WNK4: variants seen among roughly 807,000 people sequenced by gnomAD.
WNK4 encodes the protein serine/threonine-protein kinase WNK4.
Under a neutral mutation model 116.2 loss-of-function variants are expected in WNK4, and 94 were observed. The observed-to-expected ratio is 0.81, with a 90% CI of 0.68 to 0.96. WNK4 has a LOEUF of 0.96. Among genes scored for constraint, WNK4 ranks in the 40% least tolerant of loss-of-function variants. WNK4 has a pLI of 0.00. For missense variants in WNK4, 1,542 were observed against 1,650.6 expected (o/e 0.93, Z 1.14); for synonymous variants, 655 against 672.7 (o/e 0.97, Z 0.41).
At chr17:42,790,027 AC>A (rs1365338315) in intron 11 of WNK4, among the ~76,000 whole-genome samples, 2 of 152,098 alleles carry the variant, frequency 1.3e-5, no homozygotes, top group African/African-American at 4.8e-5. Context: ...AAACAAAAAA[AC>A]AAAAAGGCAC....
Position 42,796,818 on chromosome 17 carries a change from A to G in WNK4, c.*130A>G, listed in dbSNP as rs2054681888. ...CCCAACACTGAAGGGGTAGAAGGCC[A>G]GGGGGGCATGGAGAGTGCAGCTCCA... is the stretch of plus-strand genomic sequence containing the variant. On this transcript the variant is annotated 3_prime_UTR_variant, in exon 19 of 19. Coordinates refer to ENST00000246914, the MANE Select transcript of WNK4 (RefSeq NM_032387.5). The G allele has an allele frequency of 6.3e-7, 1 of 1,592,200 alleles. No homozygotes were observed. The highest frequency in any genetic ancestry group is 8.6e-7 in the Non-Finnish European group (1 of 1,162,204).
At chr17:42,783,831 T>A (rs573570662) in intron 2 of WNK4, 106 bp from the exon 3 acceptor site, 1 of 1,067,596 alleles carries the variant, frequency 9.4e-7, no homozygotes, top group African/African-American at 1.6e-5. Context: ...TGGCAGAAGA[T>A]GCGGAGGCGG....
intron 11 of WNK4, 113 bp downstream of exon 11, chr17:42,788,910 T>G: frequency 4.6e-6 from 4 of 866,528 alleles, no homozygotes; most frequent in Non-Finnish European, 7.9e-6. Context: ...TTTAAATCTC[T>G]GGTTGACACT....
At chr17:42,787,695 C>T in intron 7 of WNK4, 83 bp from the exon 8 acceptor site, 2 of 1,600,104 alleles carry the variant, frequency 1.2e-6, no homozygotes, top group African/African-American at 1.3e-5. Flanking sequence ...AGCTCCAGGC[C>T]CCTCCTTGCT....
chr17:42,795,191 C>T lies in WNK4; in HGVS notation c.2770C>T (p.Leu924Phe), dbSNP rs2054651601. 5.6e-6 allele frequency: 9 copies of T among 1,614,066 alleles called. No homozygotes were observed. Among genetic ancestry groups the T allele is most frequent in the Non-Finnish European group, 7.6e-6 (9 of 1,179,982 alleles). The change falls in exon 14 of 19, where the codon CTT (leucine) becomes TTT (phenylalanine). Residue 924 changes from leucine (L) to phenylalanine (F), a missense_variant. Coordinates refer to ENST00000246914, the MANE Select transcript of WNK4 (RefSeq NM_032387.5). ...SFPSTTAAPL[L>F]SLASAFSLAV... is the part of the protein sequence containing the mutation. ...CCCCTCCACCACAGCAGCCCCTCTC[C>T]TTTCTCTGGCTAGTGCCTTCTCACT...
chr17:42,796,845 T>C lies in WNK4; in HGVS notation c.*157T>C. 6.9e-7 allele frequency: 1 copy of C among 1,456,714 alleles called. No individual in the cohort carries two copies. Among genetic ancestry groups the C allele is most frequent in the Admixed American group, 1.8e-5 (1 of 54,778 alleles). The allele number at this position is 1,456,714 out of a possible 1,614,324, so 90.2% of individuals were successfully genotyped here. A position where few individuals can be genotyped will look rare whatever the true frequency, so the allele number is the denominator to read the frequency against. The stretch of plus-strand genomic sequence containing the variant: ...GGGGGCATGGAGAGTGCAGCTCCAT[T>C]ATAGTGAAGAGCCAAACATATGTGA... On this transcript the variant is annotated 3_prime_UTR_variant, in exon 19 of 19. Coordinates refer to ENST00000246914, the MANE Select transcript of WNK4 (RefSeq NM_032387.5).
intron 2 of WNK4, 45 bp from the exon 3 acceptor site, chr17:42,783,892 G>A (rs1324229896): frequency 1.0e-5 from 16 of 1,571,504 alleles, no homozygotes; most frequent in Non-Finnish European, 1.2e-5. Context: ...CCTTCCCGGA[G>A]GACGTGTCCC....
At chr17:42,793,887 C>G (rs1416892986) in intron 12 of WNK4, 158 bp downstream of exon 12, 8 of 902,106 alleles carry the variant, frequency 8.9e-6, no homozygotes, top group Admixed American at 2.3e-5. Flanking sequence ...GAGTCTCACT[C>G]TGTCGCCCAG....
Position 42,787,904 on chromosome 17 carries a change from G to A in WNK4, c.1863+5G>A. On this transcript the variant is annotated splice_donor_5th_base_variant and intron_variant, in intron 8 of 18. Coordinates refer to ENST00000246914, the MANE Select transcript of WNK4 (RefSeq NM_032387.5). ...TCCCATCTCTGCCTGCCCTCGGTGA[G>A]AGGGGGTCGCATGGGGGGCTCCCAG... 6.2e-7 allele frequency: 1 copy of A among 1,609,256 alleles called. No individual in the cohort carries two copies. The highest frequency in any genetic ancestry group is 8.5e-7 in the Non-Finnish European group (1 of 1,179,978).
chr17:42,792,997 A>T lies in WNK4; in HGVS notation c.2158-595A>T, dbSNP rs138528616. ...AACCTCTTTGAGCATTGGTTATCTTAATTCTACCATAGCAATATTAATGTG... is the reference window on the plus strand; with the variant it reads ...AACCTCTTTGAGCATTGGTTATCTTTATTCTACCATAGCAATATTAATGTG... On this transcript the variant is annotated intron_variant, in intron 11 of 18. Transcript: ENST00000246914. Among the ~76,000 whole-genome samples, 679 of 152,332 alleles carry T rather than the reference A, an allele frequency of 4.5e-3. 3 individuals carry two copies. Among genetic ancestry groups the T allele is most frequent in the Non-Finnish European group, 7.7e-3 (526 of 68,022 alleles).
At position 42,793,725 on chromosome 17, in the gene WNK4, C is replaced by G. The variant is rs746070122; in HGVS notation, c.2291C>G (p.Pro764Arg). 1 of 1,614,082 alleles carries G rather than the reference C, an allele frequency of 6.2e-7. No homozygotes were observed. Among genetic ancestry groups the G allele is most frequent in the Non-Finnish European group, 8.5e-7 (1 of 1,179,956 alleles). The change falls in exon 12 of 19, where the codon CCC (proline) becomes CGC (arginine). Residue 764 changes from proline (P) to arginine (R), a missense_variant. Transcript: ENST00000246914. ...PMEAAEDTLS[P>R]QEEPAPLPAL... ...GAGGCTGCTGAAGACACCCTAAGCC[C>G]CCAGGTCAGACCCCTTGGTGGACAC...
At chr17:42,796,417 A>G (rs539676113) in intron 17 of WNK4, 64 bp from the exon 18 acceptor site, 12 of 1,613,604 alleles carry the variant, frequency 7.4e-6, no homozygotes, top group Non-Finnish European at 1.0e-5. Context: ...CCGGGGGAAT[A>G]GACCCCCTCT....
At position 42,783,924 on chromosome 17, in the gene WNK4, C is replaced by T. The variant is rs369517399; in HGVS notation, c.792-13C>T. 2 of 1,609,376 alleles carry T rather than the reference C, an allele frequency of 1.2e-6. No homozygotes were observed. Among genetic ancestry groups the T allele is most frequent in the Non-Finnish European group, 1.7e-6 (2 of 1,178,186 alleles). ...TCCCCCCACCAGGACTCTGGCTATG[C>T]GCCCTCCCCCAGGTACCTGAGGCGG... On this transcript the variant is annotated splice_polypyrimidine_tract_variant and intron_variant, in intron 2 of 18. Transcript: ENST00000246914.
intron 4 of WNK4, 43 bp from the exon 5 acceptor site, chr17:42,785,054 T>G (rs1475789431): frequency 2.5e-6 from 4 of 1,590,508 alleles, no homozygotes; most frequent in Non-Finnish European, 3.4e-6. Context: ...AGCCGAGAGC[T>G]GGGGATCAGA....
chr17:42,781,331 C>G lies in WNK4; in HGVS notation c.618+15C>G, dbSNP rs1281850939. On this transcript the variant is annotated intron_variant, in intron 1 of 18. Transcript: ENST00000246914. Reference sequence around the variant, plus strand: ...GTGAGCTGCAGGTGCGGCTGGGAGCCCCCTCGGTGGCACCTTGGGATGGGA... The same window carrying G: ...GTGAGCTGCAGGTGCGGCTGGGAGCGCCCTCGGTGGCACCTTGGGATGGGA... The G allele has an allele frequency of 6.2e-7, 1 of 1,614,022 alleles. No individual in the cohort carries two copies. Among genetic ancestry groups the G allele is most frequent in the Admixed American group, 1.7e-5 (1 of 60,022 alleles).
In WNK4 at chr17:42,784,635, T is replaced by A; in HGVS notation, c.1170+56T>A. 3 of 1,606,640 alleles carry A rather than the reference T, an allele frequency of 1.9e-6. No homozygotes were observed. The highest frequency in any genetic ancestry group is 2.2e-5 in the South Asian group (2 of 90,018). On this transcript the variant is annotated intron_variant, in intron 4 of 18. Coordinates refer to ENST00000246914, the MANE Select transcript of WNK4 (RefSeq NM_032387.5). This position sits in a 1 kb window ranked among gnomAD's most constrained non-coding sequence, Gnocchi z 4.4. ...ATTCCAGGGCCACTTCCCCTTTTCC[T>A]GCGCCGGCCAGCCCGCAGTCAATGC...
In WNK4 at chr17:42,782,930, C is replaced by T. The variant is rs1258212268; in HGVS notation, c.791C>T (p.Thr264Met). Reference sequence around the variant, plus strand: ...CTCATGACCTCGGGCACGCTCAAGACGTGAGCTCTGCGCATGAGTGGGTGG... The same window carrying T: ...CTCATGACCTCGGGCACGCTCAAGATGTGAGCTCTGCGCATGAGTGGGTGG... Reference protein sequence around the residue: ...TELMTSGTLKTYLRRFREMKP... With the variant: ...TELMTSGTLKMYLRRFREMKP... Residue 264 changes from threonine to methionine, a missense_variant and splice_region_variant, in exon 2 of 19, where the codon ACG becomes ATG. Coordinates refer to ENST00000246914, the MANE Select transcript of WNK4 (RefSeq NM_032387.5). The surrounding 1 kb of genome is among the most constrained non-coding windows in gnomAD (Gnocchi z 4.2). The T allele has an allele frequency of 1.4e-5, 22 of 1,613,834 alleles. No homozygotes were observed. Among genetic ancestry groups the T allele is most frequent in the Non-Finnish European group, 1.7e-5 (20 of 1,179,940 alleles).
At chr17:42,781,468 A>G in intron 1 of WNK4, 152 bp downstream of exon 1, 1 of 1,117,120 alleles carries the variant, frequency 9.0e-7, no homozygotes, top group Non-Finnish European at 1.3e-6. Flanking sequence ...GCCCTGAATG[A>G]TCTGGCTGAC....
intron 12 of WNK4, 139 bp from the exon 13 acceptor site, chr17:42,794,475 C>G: frequency 1.1e-6 from 1 of 892,700 alleles, no homozygotes; most frequent in Non-Finnish European, 1.8e-6. Context: ...CATTTCAGCA[C>G]ATATGCTTCT....
Sources: allele counts gnomAD v4.1 joint callset (sites outside exome capture counted in the v4.1 genomes callset), GRCh38; gene constraint gnomAD v4.1.1; non-coding constraint Gnocchi (gnomAD v3.1); transcripts MANE v1.5; gene names NCBI Gene and HGNC (gene_info 2026-07-23, HGNC 2026-07-21).